The following RAB28 variants were observed in gnomAD, a reference collection of about 807,000 sequenced individuals.
RAB28 encodes ras-related protein Rab-28.
A neutral mutation model predicts 31.7 loss-of-function variants in RAB28; 24 were observed. The observed-to-expected ratio is 0.76, with a 90% confidence interval of 0.55 to 1.06. The LOEUF (loss-of-function observed/expected upper bound fraction) is 1.06. RAB28 is among the 50% of genes least tolerant of loss of function. The pLI is 0.00. For synonymous variants in RAB28, 100 were observed against 90.4 expected (o/e 1.11, Z -0.60); for missense variants, 254 against 258.5 (o/e 0.98, Z 0.12).
chr4:13,456,508 G>A (rs1715309512), intron 4 of RAB28, among the ~76,000 whole-genome samples: 1 of 152,114 alleles, frequency 6.6e-6, no homozygotes, highest in Non-Finnish European at 1.5e-5. Flanking sequence ...CTATTACCCT[G>A]ATTTCCAGAT....
At chr4:13,473,648 T>G (rs1405342864) in intron 3 of RAB28, among the ~76,000 whole-genome samples, 1 of 151,832 alleles carries the variant, frequency 6.6e-6, no homozygotes, top group East Asian at 1.9e-4. Flanking sequence ...GTATAATAAC[T>G]TTATTTAAAA....
chr4:13,445,326 G>C (rs1714639315), intron 4 of RAB28, among the ~76,000 whole-genome samples: 1 of 151,926 alleles, frequency 6.6e-6, no homozygotes, highest in African/African-American at 2.4e-5. Flanking sequence ...TTATAGCTCA[G>C]CGAAGTTCAT....
intron 6 of RAB28, among the ~76,000 whole-genome samples, chr4:13,373,732 T>C (rs1183285202): frequency 6.6e-6 from 1 of 152,168 alleles, no homozygotes; most frequent in Non-Finnish European, 1.5e-5. Flanking sequence ...TGTCAGTGAA[T>C]GAAACTAGGA....
chr4:13,382,335 C>A (rs1347697776), intron 4 of RAB28, among the ~76,000 whole-genome samples: 6 of 152,072 alleles, frequency 3.9e-5, no homozygotes, highest in African/African-American at 1.4e-4. Flanking sequence ...ACACTACAGA[C>A]CCTATAAGGG....
At chr4:13,426,552 ACTGTCCATTTTTAATACTAAAAAT>A (rs1449487020) in intron 4 of RAB28, among the ~76,000 whole-genome samples, 16 of 152,278 alleles carry the variant, frequency 1.1e-4, no homozygotes, top group African/African-American at 3.8e-4. Flanking sequence ...TAAACTGGCA[ACTGTCCATTTTTAATACTAAAAAT>A]CCAACCTTCC....
chr4:13,421,371 C>T (rs1269782701), intron 4 of RAB28, among the ~76,000 whole-genome samples: 1 of 152,144 alleles, frequency 6.6e-6, no homozygotes, highest in Non-Finnish European at 1.5e-5. Flanking sequence ...CATCAAGCTA[C>T]TAATGACTTT....
chr4:13,460,677 T>C (rs749717840), intron 4 of RAB28, 22 bp downstream of exon 4: 14 of 1,613,506 alleles, frequency 8.7e-6, no homozygotes, highest in East Asian at 4.5e-5. Context: ...GTACCATACA[T>C]AAACAAGCAG....
At chr4:13,413,765 G>C (rs1297157947) in intron 4 of RAB28, among the ~76,000 whole-genome samples, 1 of 152,160 alleles carries the variant, frequency 6.6e-6, no homozygotes, top group African/African-American at 2.4e-5. Flanking sequence ...TTTAAAGACA[G>C]AGAATGCCAA....
chr4:13,376,666 T>G, intron 5 of RAB28, 44 bp from the exon 6 acceptor site: 1 of 1,283,872 alleles, frequency 7.8e-7, no homozygotes, highest in Non-Finnish European at 1.1e-6. Flanking sequence ...AGAGGCATGC[T>G]TAAGTTATCT....
At chr4:13,445,069 G>C (rs1268952359) in intron 4 of RAB28, among the ~76,000 whole-genome samples, 2 of 151,866 alleles carry the variant, frequency 1.3e-5, no homozygotes, top group Admixed American at 1.3e-4. Context: ...TGGAGGTTTT[G>C]TGCATTCCTT....
chr4:13,372,695 G>C (rs915781013), intron 6 of RAB28, among the ~76,000 whole-genome samples: 5 of 152,020 alleles, frequency 3.3e-5, no homozygotes, highest in African/African-American at 1.2e-4. Flanking sequence ...AAACATACTG[G>C]AGAAAATGAT....
At chr4:13,375,019 T>C (rs562115609) in intron 6 of RAB28, among the ~76,000 whole-genome samples, 1 of 152,250 alleles carries the variant, frequency 6.6e-6, no homozygotes, top group East Asian at 1.9e-4. Context: ...CCAGGTATAT[T>C]ATTCATACCA....
intron 1 of RAB28, among the ~76,000 whole-genome samples, chr4:13,480,471 T>C (rs1202052730): frequency 2.0e-5 from 3 of 151,846 alleles, no homozygotes; most frequent in Admixed American, 6.6e-5. Flanking sequence ...AAAGTTAAAA[T>C]TACATGTCAA....
At chr4:13,468,033 G>A (rs1444218940) in intron 3 of RAB28, among the ~76,000 whole-genome samples, 2 of 151,838 alleles carry the variant, frequency 1.3e-5, no homozygotes, top group Non-Finnish European at 2.9e-5. Context: ...TTAAAGACTG[G>A]CATAATAAGT....
intron 4 of RAB28, among the ~76,000 whole-genome samples, chr4:13,455,275 G>A (rs931941195): frequency 1.3e-5 from 2 of 152,220 alleles, no homozygotes; most frequent in African/African-American, 4.8e-5. Context: ...AAGCCACTCA[G>A]TGGTTCAAGG....
chr4:13,424,005 A>C (rs763331265), intron 4 of RAB28, among the ~76,000 whole-genome samples: 4 of 152,200 alleles, frequency 2.6e-5, no homozygotes, highest in Non-Finnish European at 5.9e-5. Context: ...GGAAGGTATA[A>C]CAAATGCTCT....
Position 13,402,923 on chromosome 4 carries a change from A to C in RAB28, c.392-21329T>G, listed in dbSNP as rs1196074047. On this transcript the variant is annotated intron_variant, in intron 4 of 6. Transcript: ENST00000330852. The stretch of plus-strand genomic sequence containing the variant: ...TATCCTCCCGCCTCACCTCTCAAGT[A>C]GCTGGGAACACAGGCACATGCCACT... 2.0e-5 allele frequency among the ~76,000 whole-genome samples: 3 copies of C among 152,092 alleles called. No homozygotes were observed. The South Asian group carries it at 6.2e-4, about 32-fold the overall frequency.
At chr4:13,376,211 T>C (rs1324227646) in intron 6 of RAB28, among the ~76,000 whole-genome samples, 1 of 152,104 alleles carries the variant, frequency 6.6e-6, no homozygotes. Flanking sequence ...TGTTTTAAAA[T>C]TGAATAGAGG....
At chr4:13,385,767 C>CA (rs568156295) in intron 4 of RAB28, among the ~76,000 whole-genome samples, 63 of 152,190 alleles carry the variant, frequency 4.1e-4, no homozygotes, top group African/African-American at 1.3e-3. Context: ...AGCAACCACA[C>CA]AAAAAAGTCT....
Sources: gnomAD v4.1 joint callset for allele counts (sites outside exome capture counted in the v4.1 genomes callset) on GRCh38, gnomAD v4.1.1 for gene constraint, MANE v1.5 for transcripts, NCBI Gene and HGNC (gene_info 2026-07-23, HGNC 2026-07-21) for gene names.